BABAM2: variants seen among roughly 807,000 people sequenced by gnomAD.
BABAM2 encodes the protein BRISC and BRCA1-A complex member 2.
Under a neutral mutation model 54.7 loss-of-function variants are expected in BABAM2, and 31 were observed. The observed-to-expected ratio is 0.57, with a 90% CI of 0.43 to 0.77. BABAM2 has a LOEUF of 0.77. Among genes scored for constraint, BABAM2 ranks in the 30% least tolerant of loss-of-function variants. BABAM2 has a pLI of 0.00. For missense variants in BABAM2, 364 were observed against 455.8 expected (o/e 0.80, Z 1.83); for synonymous variants, 167 against 162.9 (o/e 1.03, Z -0.19).
At chr2:27,934,761 A>C (rs1207676760) in intron 3 of BABAM2, among the ~76,000 whole-genome samples, 3 of 152,258 alleles carry the variant, frequency 2.0e-5, no homozygotes, top group Non-Finnish European at 2.9e-5. Flanking sequence ...TGTTTGAATG[A>C]AAGATCAAAC....
intron 11 of BABAM2, among the ~76,000 whole-genome samples, chr2:28,311,191 G>A (rs1689053334): frequency 6.6e-6 from 1 of 151,324 alleles, no homozygotes; most frequent in Admixed American, 6.6e-5. Flanking sequence ...AACCCGGGAG[G>A]CGGAGCTTGC....
At chr2:27,958,012 T>A (rs1222182189) in intron 3 of BABAM2, among the ~76,000 whole-genome samples, 2 of 152,174 alleles carry the variant, frequency 1.3e-5, no homozygotes, top group Admixed American at 1.3e-4. Flanking sequence ...TCTTGGAGGT[T>A]TCCCAGCCCA....
chr2:28,323,768 G>A (rs1028397433), intron 11 of BABAM2, among the ~76,000 whole-genome samples: 3 of 152,176 alleles, frequency 2.0e-5, no homozygotes, highest in African/African-American at 7.2e-5. Flanking sequence ...AACCTTCTGG[G>A]CTTCCTTTGC....
rs59747836 is a variant in BABAM2, at chr2:28,279,660, CTTTTT to C, written c.935-18660_935-18656del. Among the ~76,000 whole-genome samples, 3 of 100,274 alleles carry C rather than the reference CTTTTT, an allele frequency of 3.0e-5. No individual in the cohort carries two copies. In the South Asian group the frequency reaches 1.1e-3, roughly 37 times the overall value. 65.8% of individuals were successfully genotyped at this position (100,274 alleles called of 152,430 possible). Reference sequence around the variant, plus strand: ...TAGTGCAGACAGGGCAGCTCAAAGGCTTTTTTTTTTTTTTTTTTTTTTGAGATGGA... The same window carrying C: ...TAGTGCAGACAGGGCAGCTCAAAGGCTTTTTTTTTTTTTTTTTGAGATGGA... On this transcript the variant is annotated intron_variant, in intron 10 of 11. Transcript: ENST00000379624.
At chr2:28,232,927 A>T (rs2148046351) in intron 7 of BABAM2, among the ~76,000 whole-genome samples, 1 of 152,316 alleles carries the variant, frequency 6.6e-6, no homozygotes, top group Middle Eastern at 3.4e-3. Flanking sequence ...AACAAGACTG[A>T]CCTGGAAATG....
chr2:28,109,184 C>CTTTTTT (rs764380110), intron 6 of BABAM2, among the ~76,000 whole-genome samples: 9 of 101,888 alleles, frequency 8.8e-5, no homozygotes, highest in Non-Finnish European at 1.2e-4. Flanking sequence ...GACACATACT[C>CTTTTTT]TTTTTTTTTT....
At chr2:28,045,649 T>A (rs1252519501) in intron 5 of BABAM2, 76 bp from the exon 6 acceptor site, 10 of 1,304,258 alleles carry the variant, frequency 7.7e-6, no homozygotes, top group Non-Finnish European at 1.1e-5. Context: ...AGGTTGAACT[T>A]GTGGCCTTGG....
At chr2:28,096,246 T>C (rs1666607965) in intron 6 of BABAM2, among the ~76,000 whole-genome samples, 1 of 152,162 alleles carries the variant, frequency 6.6e-6, no homozygotes, top group African/African-American at 2.4e-5. Flanking sequence ...GGCTGACATC[T>C]GTCTAAAATG....
At chr2:28,074,060 T>C (rs1360913699) in intron 6 of BABAM2, among the ~76,000 whole-genome samples, 1 of 152,162 alleles carries the variant, frequency 6.6e-6, no homozygotes, top group Admixed American at 6.5e-5. Flanking sequence ...TATACATATT[T>C]GTAACTCCCA....
chr2:28,323,069 C>G (rs770728850), intron 11 of BABAM2, among the ~76,000 whole-genome samples: 1 of 152,202 alleles, frequency 6.6e-6, no homozygotes, highest in Admixed American at 6.5e-5. Flanking sequence ...GCCCCCCACT[C>G]TCATCCAGGG....
At chr2:27,899,397 TC>T (rs1201399589) in intron 2 of BABAM2, among the ~76,000 whole-genome samples, 2 of 152,142 alleles carry the variant, frequency 1.3e-5, no homozygotes, top group Non-Finnish European at 2.9e-5. Flanking sequence ...GTTCTCAAAT[TC>T]CTGAATGTTT....
intron 4 of BABAM2, among the ~76,000 whole-genome samples, chr2:28,012,327 T>C (rs1457216130): frequency 1.3e-5 from 2 of 152,318 alleles, no homozygotes; most frequent in Admixed American, 1.3e-4. Context: ...GTAGCATTAA[T>C]TGAGGTGTGT....
At chr2:28,032,944 G>A (rs1030774794) in intron 5 of BABAM2, among the ~76,000 whole-genome samples, 19 of 152,188 alleles carry the variant, frequency 1.2e-4, no homozygotes, top group African/African-American at 4.3e-4. Context: ...CCAGGAAATT[G>A]ACATTGGTAC....
In BABAM2 at chr2:28,229,162, A is replaced by G. The variant is rs531526250; in HGVS notation, c.681-8040A>G. ...AAACACCCAAGTCACATGTGGAACC[A>G]GATGTCAAGTATGCAGATAAGGACA... On this transcript the variant is annotated intron_variant, in intron 7 of 11. Transcript: ENST00000379624. Among the ~76,000 whole-genome samples, 10 of 152,308 alleles carry G rather than the reference A, an allele frequency of 6.6e-5. No homozygotes were observed. In the South Asian group the frequency reaches 2.1e-3, roughly 32 times the overall value.
intron 7 of BABAM2, among the ~76,000 whole-genome samples, chr2:28,135,167 G>C (rs1335101790): frequency 5.9e-5 from 9 of 152,154 alleles, no homozygotes; most frequent in Admixed American, 5.9e-4. Context: ...ATTTCCATTT[G>C]ACTTGGTGGA....
intron 5 of BABAM2, among the ~76,000 whole-genome samples, chr2:28,040,294 C>CTTTTTTTGTTTTTTTTT (rs1676970242): frequency 1.7e-5 from 1 of 59,470 alleles, no homozygotes; most frequent in Non-Finnish European, 3.0e-5. Context: ...AAACTGAATT[C>CTTTTTTTGTTTTTTTTT]TTTTTTTTTT....
intron 7 of BABAM2, among the ~76,000 whole-genome samples, chr2:28,172,014 C>T (rs947238676): frequency 1.3e-5 from 2 of 151,948 alleles, no homozygotes; most frequent in Non-Finnish European, 2.9e-5. Flanking sequence ...GAATGGAAGC[C>T]AAAGGAACTC....
intron 3 of BABAM2, among the ~76,000 whole-genome samples, chr2:27,968,655 C>T (rs762949279): frequency 2.0e-5 from 3 of 152,152 alleles, no homozygotes; most frequent in South Asian, 2.1e-4. Flanking sequence ...AACACCAGCC[C>T]GTGAAGGCAG....
In BABAM2 at chr2:28,219,658, GA is replaced by G. The variant is rs879783959; in HGVS notation, c.681-17532del. Among the ~76,000 whole-genome samples, 89 of 134,764 alleles carry G rather than the reference GA, an allele frequency of 6.6e-4. 1 individual carries two copies. The highest frequency in any genetic ancestry group is 2.2e-3 in the African/African-American group (80 of 36,958). 88.4% of individuals were successfully genotyped at this position (134,764 alleles called of 152,430 possible). A position where few individuals can be genotyped will look rare whatever the true frequency, so the allele number is the denominator to read the frequency against. On this transcript the variant is annotated intron_variant, in intron 7 of 11. Transcript: ENST00000379624. ...GAGCTTACTTCTTTCTGTTTAATCA[GA>G]AAAAAAAAAAACCGGGTAGAGGATT...
Sources: allele counts gnomAD v4.1 joint callset (sites outside exome capture counted in the v4.1 genomes callset), GRCh38; gene constraint gnomAD v4.1.1; transcripts MANE v1.5; gene names NCBI Gene and HGNC (gene_info 2026-07-23, HGNC 2026-07-21).